The following TNR variants were observed in gnomAD, a reference collection of about 807,000 sequenced individuals.
TNR encodes tenascin-R.
A neutral mutation model predicts 150.4 loss-of-function variants in TNR; 45 were observed. The observed-to-expected ratio is 0.30, with a 90% CI of 0.24 to 0.38. The LOEUF (loss-of-function observed/expected upper bound fraction) is 0.38. Ranked by LOEUF, TNR falls within the 10% of genes least tolerant of loss-of-function variation. TNR has a pLI of 1.00. For missense variants in TNR, 1,544 were observed against 1,759.1 expected, an observed-to-expected ratio of 0.88 and a Z score of 2.19; for synonymous variants, 687 against 678.4, an observed-to-expected ratio of 1.01 and a Z score of -0.20.
intron 1 of TNR, among the ~76,000 whole-genome samples, chr1:175,549,268 C>A (rs1460099736): frequency 6.6e-6 from 1 of 152,222 alleles, no homozygotes; most frequent in Non-Finnish European, 1.5e-5. Context: ...ACCACTCACA[C>A]ATGAAATGTT....
Position 175,362,680 on chromosome 1 carries a change from C to T in TNR, c.2837G>A (p.Cys946Tyr). The change falls in exon 14 of 23, where the codon TGT (cysteine) becomes TAT (tyrosine). Residue 946 changes from cysteine (C) to tyrosine (Y), a missense_variant. Around this residue, in one of 2 missense-constraint regions of TNR, gnomAD observed 1,254 missense variants for 1,329.4 expected, o/e 0.94. Transcript: ENST00000367674. ...ATTCCCACCTGTGTGCACAAGAGTA[C>T]AGATGCGCTCGCTTTCCTCCCTGCC... ...VRGREESERI[C>Y]TLVHTAMDNP... The T allele has an allele frequency of 6.2e-7, 1 of 1,614,104 alleles. No individual in the cohort carries two copies. The highest frequency in any genetic ancestry group is 8.5e-7 in the Non-Finnish European group (1 of 1,179,968).
chr1:175,584,133 G>A (rs529211681), intron 1 of TNR, among the ~76,000 whole-genome samples: 15 of 152,296 alleles, frequency 9.8e-5, no homozygotes, highest in Admixed American at 9.1e-4. Context: ...CTCAGAATGT[G>A]ACCCCATTTG....
At chr1:175,546,824 T>A (rs181963377) in intron 1 of TNR, among the ~76,000 whole-genome samples, 5 of 152,242 alleles carry the variant, frequency 3.3e-5, no homozygotes, top group Admixed American at 3.3e-4. Context: ...CAGGTGAATT[T>A]CCCAAGATTG....
chr1:175,721,197 C>A (rs1417816053), intron 1 of TNR, among the ~76,000 whole-genome samples: 1 of 152,232 alleles, frequency 6.6e-6, no homozygotes, highest in African/African-American at 2.4e-5. Flanking sequence ...AGCCCCACCT[C>A]TACTTCCCAC....
chr1:175,715,274 C>T (rs1373634471), intron 1 of TNR, among the ~76,000 whole-genome samples: 1 of 152,176 alleles, frequency 6.6e-6, no homozygotes, highest in Non-Finnish European at 1.5e-5. Context: ...CTTATGTCAC[C>T]TAGAAGGGTT....
In TNR at chr1:175,421,091, TC is replaced by T. The variant is rs66872716; in HGVS notation, c.-63-14315del. 5.8e-3 allele frequency among the ~76,000 whole-genome samples: 881 copies of T among 152,182 alleles called. 7 individuals are homozygous for T. The highest frequency in any genetic ancestry group is 0.02 in the African/African-American group (823 of 41,524). The stretch of plus-strand genomic sequence containing the variant: ...CTAGCTGAGGTGGGGGTGTGGGAGC[TC>T]ACCAACATTGACTCCAAGCAGCAGA... On this transcript the variant is annotated intron_variant, in intron 2 of 22. Transcript: ENST00000367674.
At chr1:175,414,590 G>A (rs182872515) in intron 2 of TNR, among the ~76,000 whole-genome samples, 2 of 152,316 alleles carry the variant, frequency 1.3e-5, no homozygotes, top group East Asian at 3.9e-4. Context: ...CACCAGAGGT[G>A]TCTCCGGGTA....
intron 1 of TNR, among the ~76,000 whole-genome samples, chr1:175,655,199 C>G (rs1486894235): frequency 6.6e-6 from 1 of 152,176 alleles, no homozygotes; most frequent in Non-Finnish European, 1.5e-5. Flanking sequence ...ACCTGAAGGG[C>G]AACATGTACC....
intron 2 of TNR, among the ~76,000 whole-genome samples, chr1:175,510,634 A>G (rs531297155): frequency 1.2e-4 from 18 of 152,354 alleles, no homozygotes; most frequent in African/African-American, 4.3e-4. Context: ...TTGGAACTAC[A>G]AACTCCTGAT....
intron 2 of TNR, among the ~76,000 whole-genome samples, chr1:175,408,734 G>C (rs1654072151): frequency 6.6e-6 from 1 of 152,222 alleles, no homozygotes; most frequent in Non-Finnish European, 1.5e-5. Context: ...ATTATTATCT[G>C]TATAATATTC....
intron 1 of TNR, among the ~76,000 whole-genome samples, chr1:175,652,629 T>C (rs139376293): frequency 1.3e-3 from 191 of 152,250 alleles, no homozygotes; most frequent in African/African-American, 3.9e-3. Flanking sequence ...TTTAAAAGTG[T>C]ATGGCACTTC....
intron 2 of TNR, among the ~76,000 whole-genome samples, chr1:175,503,815 T>C (rs556940780): frequency 6.6e-6 from 1 of 152,246 alleles, no homozygotes; most frequent in Admixed American, 6.5e-5. Flanking sequence ...AAGAGGAAGA[T>C]GGGGGAGGCA....
intron 21 of TNR, among the ~76,000 whole-genome samples, chr1:175,328,974 C>T (rs904950343): frequency 2.6e-5 from 4 of 152,228 alleles, no homozygotes; most frequent in East Asian, 1.9e-4. Context: ...TGCTCCATTT[C>T]AATGGCTATT....
chr1:175,350,568 T>G (rs961143575), intron 18 of TNR, among the ~76,000 whole-genome samples: 2 of 152,240 alleles, frequency 1.3e-5, no homozygotes, highest in African/African-American at 4.8e-5. Context: ...TTGTACTTAA[T>G]TCCCTCCAGA....
chr1:175,391,457 C>A lies in TNR; in HGVS notation c.1357-19G>T, dbSNP rs894020921. On this transcript the variant is annotated intron_variant, in intron 6 of 22. Coordinates refer to ENST00000367674, the MANE Select transcript of TNR (RefSeq NM_003285.3). Reference sequence around the variant, plus strand: ...CATTGTTCTGGACAGTGGGGAGAAGCAGAGAGCAAAAGAGAAAAGTCACTG... The same window carrying A: ...CATTGTTCTGGACAGTGGGGAGAAGAAGAGAGCAAAAGAGAAAAGTCACTG... The A allele has an allele frequency of 1.2e-6, 2 of 1,610,186 alleles. No individual in the cohort carries two copies. The highest frequency in any genetic ancestry group is 1.7e-5 in the Admixed American group (1 of 59,388).
intron 8 of TNR, among the ~76,000 whole-genome samples, chr1:175,385,704 C>A (rs988750269): frequency 6.6e-6 from 1 of 152,134 alleles, no homozygotes; most frequent in Non-Finnish European, 1.5e-5. Context: ...TTTGGACTAG[C>A]GATATGGATG....
At position 175,599,661 on chromosome 1, in the gene TNR, C is replaced by G. The variant is rs761468685; in HGVS notation, c.-164-71292G>C. Among the ~76,000 whole-genome samples, 28 of 152,176 alleles carry G rather than the reference C, an allele frequency of 1.8e-4. No individual in the cohort carries two copies. The highest frequency in any genetic ancestry group is 3.5e-4 in the Non-Finnish European group (24 of 68,032). ...GGACCTGGCTAACTCCAGAGGCCGG[C>G]GGCTCCTTGCGGTGGGGAGAGGAGG... On this transcript the variant is annotated intron_variant, in intron 1 of 22. Transcript: ENST00000367674. This position sits in a 1 kb window ranked among gnomAD's most constrained non-coding sequence, Gnocchi z 4.7.
Position 175,359,155 on chromosome 1 carries a change from T to TTTTTTTTTTTTTTTTTTG in TNR, c.2974+456_2974+457insCAAAAAAAAAAAAAAAAA, listed in dbSNP as rs1651471664. 1.6e-5 allele frequency among the ~76,000 whole-genome samples: 2 copies of TTTTTTTTTTTTTTTTTTG among 126,984 alleles called. 1 individual carries two copies. Among genetic ancestry groups the TTTTTTTTTTTTTTTTTTG allele is most frequent in the Non-Finnish European group, 3.3e-5 (2 of 60,164 alleles). The allele number at this position is 126,984 out of a possible 152,430, so 83.3% of individuals were successfully genotyped here. A position where few individuals can be genotyped will look rare whatever the true frequency, so the allele number is the denominator to read the frequency against. On this transcript the variant is annotated intron_variant, in intron 15 of 22. Transcript: ENST00000367674. Reference sequence around the variant, plus strand: ...GGATATCTTCTTTTTTTTTTTTTTTTTTTTTTTTTAGATGGAGTCTTGCTG... The same window carrying TTTTTTTTTTTTTTTTTTG: ...GGATATCTTCTTTTTTTTTTTTTTTTTTTTTTTTTTTTTTTTTGTTTTTTTTTAGATGGAGTCTTGCTG...
At chr1:175,425,679 G>C (rs1283788346) in intron 2 of TNR, among the ~76,000 whole-genome samples, 2 of 152,182 alleles carry the variant, frequency 1.3e-5, no homozygotes, top group Non-Finnish European at 2.9e-5. Flanking sequence ...AATGGGATCT[G>C]TTTGCACCCT....
Sources: gnomAD v4.1 joint callset for allele counts (sites outside exome capture counted in the v4.1 genomes callset) on GRCh38, gnomAD v4.1.1 for gene constraint, gnomAD v4.1.1 regional missense constraint, Gnocchi (gnomAD v3.1) non-coding constraint, MANE v1.5 for transcripts, NCBI Gene and HGNC (gene_info 2026-07-23, HGNC 2026-07-21) for gene names.